SLC30A8: variants seen among roughly 807,000 people sequenced by gnomAD.
The protein encoded by SLC30A8 is proton-coupled zinc antiporter SLC30A8.
A neutral mutation model predicts 36.9 loss-of-function variants in SLC30A8; 27 were observed. The observed-to-expected ratio is 0.73, with a 90% CI of 0.54 to 1.01. SLC30A8 has a LOEUF of 1.01. SLC30A8 is among the 50% of genes least tolerant of loss of function. The probability of loss-of-function intolerance (pLI) is 0.00; values close to 1 mark genes in which losing one functional copy is unlikely to be tolerated. For synonymous variants in SLC30A8, 164 were observed against 172.4 expected (o/e 0.95, Z 0.38); for missense variants, 439 against 452.0 (o/e 0.97, Z 0.26).
intron 1 of SLC30A8, among the ~76,000 whole-genome samples, chr8:116,954,714 G>T (rs1814128232): frequency 1.3e-5 from 2 of 152,174 alleles, no homozygotes; most frequent in African/African-American, 4.8e-5. Context: ...GTTTTTAAGA[G>T]GAAAGGAGGA....
rs1203374929 is a variant in SLC30A8 at position 116,983,874 on chromosome 8, G to A, written c.-266+32755G>A. On this transcript the variant is annotated intron_variant, in intron 1 of 10. Transcript: ENST00000427715. The stretch of plus-strand genomic sequence containing the variant: ...TGCGCTCATTTGTGTTTGTGTGTGT[G>A]CAGTCCTGTGCAATTTTTATCGTGT... Among the ~76,000 whole-genome samples, 6 of 152,156 alleles carry A rather than the reference G, an allele frequency of 3.9e-5. No individual in the cohort carries two copies. The South Asian group carries it at 1.2e-3, about 32-fold the overall frequency.
intron 1 of SLC30A8, among the ~76,000 whole-genome samples, chr8:116,996,837 A>T (rs988622468): frequency 6.6e-6 from 1 of 152,212 alleles, no homozygotes; most frequent in African/African-American, 2.4e-5. Context: ...TTGGAAAGGC[A>T]TGCAGAATAT....
intron 2 of SLC30A8, among the ~76,000 whole-genome samples, chr8:117,091,876 G>A (rs1819142807): frequency 6.6e-6 from 1 of 152,070 alleles, no homozygotes; most frequent in Non-Finnish European, 1.5e-5. Context: ...CTAATGCATT[G>A]TGCACATATA....
At chr8:117,171,830 G>A (rs1202541601) in intron 7 of SLC30A8, among the ~76,000 whole-genome samples, 2 of 152,110 alleles carry the variant, frequency 1.3e-5, no homozygotes, top group African/African-American at 4.8e-5. Context: ...AACACATTAG[G>A]CTGCTAAAAA....
At chr8:117,004,571 C>G (rs1295496528) in intron 1 of SLC30A8, among the ~76,000 whole-genome samples, 1 of 152,056 alleles carries the variant, frequency 6.6e-6, no homozygotes, top group East Asian at 1.9e-4. Flanking sequence ...TAATTGATAC[C>G]AGAAAAGGTG....
intron 2 of SLC30A8, among the ~76,000 whole-genome samples, chr8:117,127,804 T>C (rs1011971881): frequency 3.9e-5 from 6 of 152,070 alleles, no homozygotes; most frequent in Non-Finnish European, 7.4e-5. Flanking sequence ...TGGAGGTATT[T>C]ACTTTTTTCC....
At chr8:116,983,227 A>C (rs886956140) in intron 1 of SLC30A8, among the ~76,000 whole-genome samples, 2 of 152,172 alleles carry the variant, frequency 1.3e-5, no homozygotes, top group African/African-American at 4.8e-5. Context: ...TCATTTAAAA[A>C]ATTTATGTCT....
chr8:117,023,851 C>G lies in SLC30A8; in HGVS notation c.-265-15368C>G, dbSNP rs1186529363. Among the ~76,000 whole-genome samples the G allele has an allele frequency of 4.0e-5, 6 of 151,822 alleles. No homozygotes were observed. In the East Asian group the frequency reaches 1.2e-3, roughly 29 times the overall value. On this transcript the variant is annotated intron_variant, in intron 1 of 10. Coordinates refer to the SLC30A8 transcript ENST00000427715. ...TAACCTGCACATTGTGCACATGTAC[C>G]CTAAAACTTAAAAAAAAAAGAACAT...
At chr8:117,007,311 G>A (rs1816216447) in intron 1 of SLC30A8, among the ~76,000 whole-genome samples, 1 of 152,108 alleles carries the variant, frequency 6.6e-6, no homozygotes, top group Non-Finnish European at 1.5e-5. Context: ...GGTTTTGGAG[G>A]CATTTGGTTT....
At chr8:117,149,724 A>G (rs1176626751) in intron 2 of SLC30A8, among the ~76,000 whole-genome samples, 5 of 152,224 alleles carry the variant, frequency 3.3e-5, no homozygotes, top group African/African-American at 1.2e-4. Context: ...CTTGCTGAGC[A>G]CTTTCATACT....
intron 6 of SLC30A8, among the ~76,000 whole-genome samples, chr8:117,169,699 A>G (rs1823268114): frequency 6.6e-6 from 1 of 152,096 alleles, no homozygotes; most frequent in African/African-American, 2.4e-5. Flanking sequence ...AGCTTCCAAT[A>G]GCGGCAAAAG....
chr8:117,084,157 G>A (rs1344328320), intron 2 of SLC30A8, among the ~76,000 whole-genome samples: 2 of 152,204 alleles, frequency 1.3e-5, no homozygotes, highest in South Asian at 2.1e-4. Context: ...TTATTTTTCT[G>A]TTCCACACTG....
intron 1 of SLC30A8, among the ~76,000 whole-genome samples, chr8:116,961,198 G>C (rs1021342624): frequency 7.9e-5 from 12 of 152,210 alleles, no homozygotes; most frequent in Non-Finnish European, 1.5e-4. Flanking sequence ...GGGAGGCCGA[G>C]GTGGTTGGAT....
intron 1 of SLC30A8, among the ~76,000 whole-genome samples, chr8:116,971,894 A>C (rs529070245): frequency 2.6e-5 from 4 of 152,306 alleles, no homozygotes; most frequent in African/African-American, 9.6e-5. Context: ...CTGCTGGAAA[A>C]TTTAGTGTTA....
chr8:117,001,923 C>A (rs941858262), intron 1 of SLC30A8, among the ~76,000 whole-genome samples: 18 of 152,164 alleles, frequency 1.2e-4, no homozygotes, highest in Admixed American at 1.1e-3. Context: ...ATAAACCATT[C>A]TCTAAACAGA....
At chr8:117,124,162 A>G (rs963002152) in intron 2 of SLC30A8, among the ~76,000 whole-genome samples, 2 of 151,992 alleles carry the variant, frequency 1.3e-5, no homozygotes, top group African/African-American at 4.8e-5. Flanking sequence ...TTATTGTGAA[A>G]GGATAGAACC....
chr8:117,108,996 A>G (rs1820113006), intron 2 of SLC30A8, among the ~76,000 whole-genome samples: 1 of 152,160 alleles, frequency 6.6e-6, no homozygotes, highest in Non-Finnish European at 1.5e-5. Context: ...ATGACGTGGC[A>G]TCCCAGGGCT....
intron 1 of SLC30A8, among the ~76,000 whole-genome samples, chr8:116,958,919 G>A (rs1354051818): frequency 6.3e-5 from 8 of 127,364 alleles, no homozygotes; most frequent in Non-Finnish European, 1.1e-4. Flanking sequence ...GTGCGATCTC[G>A]GCTCACTGCC....
At chr8:117,014,145 G>A (rs897148111) in intron 1 of SLC30A8, among the ~76,000 whole-genome samples, 3 of 152,152 alleles carry the variant, frequency 2.0e-5, no homozygotes, top group African/African-American at 7.2e-5. Flanking sequence ...TAATATAGGG[G>A]CACATGAATG....
Sources: allele counts gnomAD v4.1 joint callset (sites outside exome capture counted in the v4.1 genomes callset), GRCh38; gene constraint gnomAD v4.1.1; transcripts MANE v1.5; gene names NCBI Gene and HGNC (gene_info 2026-07-23, HGNC 2026-07-21).